The following ADAM18 variants were observed in gnomAD, a reference collection of about 807,000 sequenced individuals.
ADAM18 encodes the protein ADAM metallopeptidase domain 18.
In ADAM18, 117 loss-of-function variants were observed where a neutral mutation model predicts 94.4. The ratio of observed to expected loss-of-function variants is 1.24; its 90% CI spans 1.07 to 1.45. The LOEUF (loss-of-function observed/expected upper bound fraction) is 1.45. ADAM18 is among the 40% of genes most tolerant of loss of function. The pLI, the probability that ADAM18 is intolerant of heterozygous loss-of-function variation, is 0.00. For missense variants in ADAM18, 936 were observed against 880.0 expected (o/e 1.06, Z -0.81); for synonymous variants, 327 against 291.6 (o/e 1.12, Z -1.24).
intron 14 of ADAM18, among the ~76,000 whole-genome samples, chr8:39,671,394 A>G (rs572756345): frequency 2.0e-5 from 3 of 152,208 alleles, no homozygotes; most frequent in Non-Finnish European, 4.4e-5. Context: ...GGAAAATATA[A>G]CAAAAGGGCA....
intron 18 of ADAM18, among the ~76,000 whole-genome samples, chr8:39,714,526 C>A (rs1822514464): frequency 6.6e-6 from 1 of 151,902 alleles, no homozygotes; most frequent in African/African-American, 2.4e-5. Context: ...CAAGAAGCAC[C>A]CTTTAAATGT....
chr8:39,671,814 A>T (rs1209049843), intron 14 of ADAM18, among the ~76,000 whole-genome samples: 1 of 152,298 alleles, frequency 6.6e-6, no homozygotes, highest in East Asian at 1.9e-4. Flanking sequence ...GATGTGATGG[A>T]CTTTATAAAG....
At chr8:39,651,725 A>G (rs965790769) in intron 12 of ADAM18, among the ~76,000 whole-genome samples, 3 of 152,186 alleles carry the variant, frequency 2.0e-5, no homozygotes, top group East Asian at 1.9e-4. Flanking sequence ...TTCTACATAG[A>G]CACAGTAACA....
At chr8:39,695,594 C>T (rs968990695) in intron 17 of ADAM18, among the ~76,000 whole-genome samples, 1 of 150,920 alleles carries the variant, frequency 6.6e-6, no homozygotes, top group Non-Finnish European at 1.5e-5. Flanking sequence ...TCCATTATCC[C>T]CTTCCCCTAG....
chr8:39,703,481 C>A (rs1431458543), intron 17 of ADAM18, among the ~76,000 whole-genome samples: 1 of 151,938 alleles, frequency 6.6e-6, no homozygotes, highest in Non-Finnish European at 1.5e-5. Context: ...ATTTCTTTGT[C>A]TTGCCTGATT....
intron 17 of ADAM18, among the ~76,000 whole-genome samples, chr8:39,695,049 G>A (rs1821885137): frequency 6.6e-6 from 1 of 151,270 alleles, no homozygotes; most frequent in South Asian, 2.1e-4. Context: ...GTCTTTTCAT[G>A]GCTTTATGGC....
chr8:39,595,058 G>A (rs28378130), intron 2 of ADAM18, among the ~76,000 whole-genome samples: 3,973 of 151,808 alleles, frequency 0.026, 192 homozygotes, highest in African/African-American at 0.089. Flanking sequence ...AGTACCCTAG[G>A]TCCCTGAAGC....
At chr8:39,729,849 T>C in intron 19 of ADAM18, 49 bp from the exon 20 acceptor site, 1 of 1,515,208 alleles carries the variant, frequency 6.6e-7, no homozygotes, top group Non-Finnish European at 9.2e-7. Context: ...AATTGGCTAC[T>C]ACTAAACATA....
chr8:39,668,803 A>G (rs955769146), intron 14 of ADAM18, among the ~76,000 whole-genome samples: 1 of 152,152 alleles, frequency 6.6e-6, no homozygotes, highest in African/African-American at 2.4e-5. Context: ...AAAATTACCC[A>G]GTGAAATGCA....
chr8:39,697,453 A>G (rs949455622), intron 17 of ADAM18, among the ~76,000 whole-genome samples: 7 of 151,398 alleles, frequency 4.6e-5, no homozygotes, highest in Non-Finnish European at 7.4e-5. Flanking sequence ...ATATTTTCCA[A>G]TTTTCCTTGT....
intron 18 of ADAM18, among the ~76,000 whole-genome samples, chr8:39,710,681 T>G (rs1336475548): frequency 6.6e-6 from 1 of 151,764 alleles, no homozygotes; most frequent in Non-Finnish European, 1.5e-5. Flanking sequence ...CAGGGTGGGG[T>G]GGGAGGAAAA....
chr8:39,593,941 T>C (rs1183659468), intron 2 of ADAM18, among the ~76,000 whole-genome samples: 1 of 152,222 alleles, frequency 6.6e-6, no homozygotes, highest in Non-Finnish European at 1.5e-5. Context: ...TATAGCTTTG[T>C]CAATTTTTAA....
At chr8:39,697,848 T>A (rs1821967854) in intron 17 of ADAM18, among the ~76,000 whole-genome samples, 1 of 151,832 alleles carries the variant, frequency 6.6e-6, no homozygotes, top group South Asian at 2.1e-4. Context: ...CTTTTGCTTC[T>A]TGAGGAACAC....
chr8:39,706,412 G>T (rs1245668762), intron 17 of ADAM18, among the ~76,000 whole-genome samples: 1 of 152,068 alleles, frequency 6.6e-6, no homozygotes, highest in Non-Finnish European at 1.5e-5. Flanking sequence ...TGAAGTGCAT[G>T]AATAGAAAAT....
intron 2 of ADAM18, among the ~76,000 whole-genome samples, chr8:39,586,641 C>T (rs13273082): frequency 0.058 from 8,877 of 152,062 alleles, 349 homozygotes; most frequent in Non-Finnish European, 0.092. Context: ...GTGGGAGTAC[C>T]CCTTGAGCCC....
At chr8:39,663,027 A>G (rs534080132) in intron 12 of ADAM18, among the ~76,000 whole-genome samples, 2 of 152,288 alleles carry the variant, frequency 1.3e-5, no homozygotes, top group African/African-American at 4.8e-5. Flanking sequence ...ATAAATATAT[A>G]CTAAGTACAT....
chr8:39,620,209 T>C (rs950439555), intron 6 of ADAM18, among the ~76,000 whole-genome samples: 1 of 151,764 alleles, frequency 6.6e-6, no homozygotes, highest in African/African-American at 2.4e-5. Flanking sequence ...TCTGAACTTA[T>C]ACAAAAAGAT....
chr8:39,706,006 A>G (rs1299953784), intron 17 of ADAM18, among the ~76,000 whole-genome samples: 1 of 152,150 alleles, frequency 6.6e-6, no homozygotes, highest in Non-Finnish European at 1.5e-5. Context: ...GAAACACAAC[A>G]TCTTTAGCAG....
chr8:39,720,040 C>A (rs1307028227), intron 18 of ADAM18, among the ~76,000 whole-genome samples: 2 of 147,046 alleles, frequency 1.4e-5, no homozygotes, highest in Non-Finnish European at 3.1e-5. Flanking sequence ...TAATAGATAA[C>A]ATCTGGAAAC....
Sources: gnomAD v4.1 joint callset for allele counts (sites outside exome capture counted in the v4.1 genomes callset) on GRCh38, gnomAD v4.1.1 for gene constraint, MANE v1.5 for transcripts, NCBI Gene and HGNC (gene_info 2026-07-23, HGNC 2026-07-21) for gene names.